The following NEK5 variants were observed in gnomAD, a reference collection of about 807,000 sequenced individuals.
The protein encoded by NEK5 is serine/threonine-protein kinase Nek5.
NEK5 carries 88 observed loss-of-function variants against 109.2 expected under a neutral mutation model. The observed-to-expected ratio is 0.81, with a 90% CI of 0.68 to 0.96. The LOEUF (loss-of-function observed/expected upper bound fraction) is 0.96, where lower values mean the gene tolerates loss of function less well. Among genes scored for constraint, NEK5 ranks in the 40% least tolerant of loss-of-function variants. The pLI, the probability that NEK5 is intolerant of heterozygous loss-of-function variation, is 0.00. For synonymous variants in NEK5, 283 were observed against 299.9 expected, an observed-to-expected ratio of 0.94 and a Z score of 0.58; for missense variants, 834 against 920.7, an observed-to-expected ratio of 0.91 and a Z score of 1.22.
At position 52,108,243 on chromosome 13, in the gene NEK5, T is replaced by C. The variant is rs117079914; in HGVS notation, c.554+75A>G. 1,015 of 827,446 alleles carry C rather than the reference T, an allele frequency of 1.2e-3. 7 individuals are homozygous for C. The East Asian group carries it at 0.013, about 11-fold the overall frequency. The allele number at this position is 827,446 out of a possible 1,614,324, so 51.3% of individuals were successfully genotyped here. On this transcript the variant is annotated intron_variant, in intron 8 of 23. Transcript: ENST00000684899. ...AGAAAGAAAGAAGAGATTTGAATTT[T>C]AGTTTCTGGAATCTTCATTCAGTGT...
intron 13 of NEK5, among the ~76,000 whole-genome samples, chr13:52,092,118 GA>G (rs2137934433): frequency 6.6e-6 from 1 of 152,250 alleles, no homozygotes; most frequent in South Asian, 2.1e-4. Flanking sequence ...CTATGAATAA[GA>G]AAATAAGCTA....
At chr13:52,104,357 A>T (rs1040981184) in intron 9 of NEK5, 141 bp downstream of exon 9, 9 of 711,322 alleles carry the variant, frequency 1.3e-5, no homozygotes, top group Non-Finnish European at 2.3e-5. Context: ...TTTCCATGTC[A>T]TCTATCATTA....
At chr13:52,093,009 G>C (rs761357631) in intron 13 of NEK5, 45 bp downstream of exon 13, 1 of 1,260,050 alleles carries the variant, frequency 7.9e-7, no homozygotes. Flanking sequence ...AATATATAAA[G>C]ATATTTTTAG....
chr13:52,112,140 T>C (rs2138070865), intron 5 of NEK5, 128 bp downstream of exon 5: 2 of 476,152 alleles, frequency 4.2e-6, no homozygotes, highest in Admixed American at 3.7e-5. Flanking sequence ...TCCACTATTT[T>C]ATGGTTTCAA....
Position 52,033,661 on chromosome 13 carries a change from CAG to C in NEK5, c.*3285_*3286del, listed in dbSNP as rs1446636004. The C allele has an allele frequency of 6.2e-6, 1 of 161,192 alleles. No homozygotes were observed. Among genetic ancestry groups the C allele is most frequent in the Non-Finnish European group, 1.5e-5 (1 of 68,086 alleles). 10.0% of individuals were successfully genotyped at this position (161,192 alleles called of 1,614,324 possible). On this transcript the variant is annotated 3_prime_UTR_variant, in exon 24 of 24. Coordinates refer to ENST00000684899, the MANE Select transcript of NEK5 (RefSeq NM_001365552.1). The stretch of plus-strand genomic sequence containing the variant: ...ATATTTCAGACATAACAAAAAACTG[CAG>C]AGCTTCGTACACTTGATTTAAATAA...
chr13:52,121,638 T>C (rs1955972423), intron 3 of NEK5, among the ~76,000 whole-genome samples: 1 of 152,208 alleles, frequency 6.6e-6, no homozygotes, highest in Non-Finnish European at 1.5e-5. Flanking sequence ...CCCTCTTTCT[T>C]TCTCATCTAG....
intron 11 of NEK5, among the ~76,000 whole-genome samples, chr13:52,100,826 C>T (rs1454806268): frequency 6.6e-6 from 1 of 152,214 alleles, no homozygotes; most frequent in Non-Finnish European, 1.5e-5. Flanking sequence ...GACTGGTATA[C>T]AACAATGTTA....
intron 17 of NEK5, among the ~76,000 whole-genome samples, chr13:52,079,320 C>CT (rs1566761481): frequency 6.6e-5 from 10 of 150,634 alleles, no homozygotes; most frequent in Admixed American, 6.0e-4. Flanking sequence ...CTCCCTCTCC[C>CT]CTCTTTCCAC....
chr13:52,117,168 C>T (rs1324507863), intron 4 of NEK5, among the ~76,000 whole-genome samples: 1 of 152,240 alleles, frequency 6.6e-6, no homozygotes, highest in African/African-American at 2.4e-5. Flanking sequence ...ATCTGCCCGC[C>T]TCGGCCTCCC....
rs1955328090 is a variant in NEK5 at position 52,093,149 on chromosome 13, TCTC to T, written c.1110_1112del (p.Arg371del). 1.2e-6 allele frequency: 2 copies of T among 1,613,014 alleles called. No individual in the cohort carries two copies. The highest frequency in any genetic ancestry group is 1.1e-5 in the South Asian group (1 of 91,054). On this transcript the variant is annotated inframe_deletion, in exon 13 of 24. Transcript: ENST00000684899. ...TAGGGTGATAACTTGGTTTGTGGGC[TCTC>T]CTCCTCAGCATATCAAGTTGAGCAT...
At chr13:52,042,695 G>A (rs1274385413) in intron 23 of NEK5, among the ~76,000 whole-genome samples, 1 of 151,908 alleles carries the variant, frequency 6.6e-6, no homozygotes, top group Admixed American at 6.6e-5. Context: ...TTTCATATTT[G>A]GGAGGAAGGA....
intron 22 of NEK5, among the ~76,000 whole-genome samples, chr13:52,059,991 T>C (rs933483413): frequency 6.6e-6 from 1 of 151,402 alleles, no homozygotes; most frequent in Non-Finnish European, 1.5e-5. Flanking sequence ...ATCATAATAA[T>C]AATTAGGTTT....
chr13:52,122,039 C>G (rs1955982045), intron 3 of NEK5, among the ~76,000 whole-genome samples: 1 of 151,600 alleles, frequency 6.6e-6, no homozygotes, highest in African/African-American at 2.4e-5. Context: ...ATAGCTGGGA[C>G]TACAGGCACT....
chr13:52,076,902 C>T (rs9535856), intron 17 of NEK5, among the ~76,000 whole-genome samples: 63,135 of 152,100 alleles, frequency 0.42, 15,052 homozygotes, highest in Non-Finnish European at 0.54. Context: ...CCTGCTGACA[C>T]GAAAATTACA....
intron 11 of NEK5, among the ~76,000 whole-genome samples, chr13:52,101,188 G>C (rs955362598): frequency 1.1e-3 from 160 of 152,168 alleles, no homozygotes; most frequent in African/African-American, 3.7e-3. Context: ...CACGAGGTCC[G>C]GAGATCGAGA....
At chr13:52,117,007 C>T (rs879894324) in intron 4 of NEK5, among the ~76,000 whole-genome samples, 7 of 152,170 alleles carry the variant, frequency 4.6e-5, no homozygotes, top group East Asian at 1.9e-4. Flanking sequence ...CAACCTCTGC[C>T]TCCCAGGTTC....
At chr13:52,080,630 C>G (rs1035025425) in intron 17 of NEK5, among the ~76,000 whole-genome samples, 36 of 152,086 alleles carry the variant, frequency 2.4e-4, no homozygotes, top group Non-Finnish European at 4.4e-4. Context: ...GCTGTGTCCA[C>G]TCAGGGTTAA....
chr13:52,124,449 G>T (rs1240559344), intron 3 of NEK5, among the ~76,000 whole-genome samples: 1 of 152,048 alleles, frequency 6.6e-6, no homozygotes, highest in African/African-American at 2.4e-5. Flanking sequence ...CTCAAACATT[G>T]CAAACATTGA....
chr13:52,062,831 T>C (rs936310537), intron 21 of NEK5, among the ~76,000 whole-genome samples: 4 of 152,096 alleles, frequency 2.6e-5, no homozygotes, highest in Admixed American at 1.3e-4. Context: ...AAATAGCACA[T>C]TGGCTTCAAA....
Sources: gnomAD v4.1 joint callset for allele counts (sites outside exome capture counted in the v4.1 genomes callset) on GRCh38, gnomAD v4.1.1 for gene constraint, MANE v1.5 for transcripts, NCBI Gene and HGNC (gene_info 2026-07-23, HGNC 2026-07-21) for gene names.